Variants in RBFOX1 observed in about 807,000 individuals in gnomAD.
The protein encoded by RBFOX1 is RNA binding fox-1 homolog 1.
RBFOX1 carries 8 observed loss-of-function variants against 57.7 expected under a neutral mutation model. That is an observed-to-expected ratio of 0.14 (90% confidence interval 0.08 to 0.25). The LOEUF (loss-of-function observed/expected upper bound fraction) is 0.25, where lower values mean the gene tolerates loss of function less well. RBFOX1 is among the 10% of genes least tolerant of loss of function. RBFOX1 has a pLI of 1.00. For synonymous variants in RBFOX1, 326 were observed against 222.4 expected (o/e 1.47, Z -4.15); for missense variants, 611 against 548.5 (o/e 1.11, Z -1.14).
At chr16:7,541,097 G>C (rs1205825739) in intron 5 of RBFOX1, among the ~76,000 whole-genome samples, 1 of 152,208 alleles carries the variant, frequency 6.6e-6, no homozygotes, top group Non-Finnish European at 1.5e-5. Context: ...GGCTTGTGCA[G>C]TTTATAGACG....
chr16:5,607,111 G>A (rs770063509), intron 3 of RBFOX1, among the ~76,000 whole-genome samples: 16 of 152,146 alleles, frequency 1.1e-4, no homozygotes, highest in Non-Finnish European at 1.8e-4. Flanking sequence ...GGAGTGGGCT[G>A]GGGAGCAGAG....
chr16:5,709,587 A>G (rs72633294), intron 3 of RBFOX1, among the ~76,000 whole-genome samples: 12,300 of 150,980 alleles, frequency 0.081, 788 homozygotes, highest in East Asian at 0.33. Flanking sequence ...TCCTCCTGAC[A>G]CTTCCTGTTT....
intron 1 of RBFOX1, among the ~76,000 whole-genome samples, chr16:5,444,739 C>A (rs2068190218): frequency 6.6e-6 from 1 of 152,172 alleles, no homozygotes; most frequent in East Asian, 1.9e-4. Context: ...ATGCACAGAG[C>A]ATTTCTGTGT....
chr16:7,414,777 C>T (rs10468332), intron 4 of RBFOX1, among the ~76,000 whole-genome samples: 15,822 of 152,148 alleles, frequency 0.1, 2,640 homozygotes, highest in African/African-American at 0.35. Context: ...GCCACCATGA[C>T]TGGCCAATTT....
intron 3 of RBFOX1, among the ~76,000 whole-genome samples, chr16:6,837,130 G>T (rs538238443): frequency 2.6e-5 from 4 of 152,360 alleles, no homozygotes; most frequent in Non-Finnish European, 4.4e-5. Flanking sequence ...TTTGCAAACA[G>T]TACAGTTTTA....
chr16:6,977,655 C>T (rs1047959085), intron 3 of RBFOX1, among the ~76,000 whole-genome samples: 1 of 152,146 alleles, frequency 6.6e-6, no homozygotes, highest in Non-Finnish European at 1.5e-5. Flanking sequence ...CTCTTTAGCT[C>T]TGGCACTAAC....
chr16:5,520,305 A>G (rs2043963785), intron 2 of RBFOX1, among the ~76,000 whole-genome samples: 1 of 152,200 alleles, frequency 6.6e-6, no homozygotes, highest in South Asian at 2.1e-4. Flanking sequence ...GGTAGTAGGA[A>G]TCTCAGCTTG....
intron 1 of RBFOX1, among the ~76,000 whole-genome samples, chr16:5,456,114 A>T (rs12935385): frequency 0.38 from 56,680 of 149,624 alleles, 11,866 homozygotes; most frequent in East Asian, 0.51. Context: ...TCATTTTTTT[A>T]AAAAAAAAAC....
intron 1 of RBFOX1, among the ~76,000 whole-genome samples, chr16:6,154,452 A>T (rs2096824702): frequency 6.6e-6 from 1 of 152,254 alleles, no homozygotes; most frequent in Non-Finnish European, 1.5e-5. Context: ...TTGCATCTGA[A>T]TAAGCCAGGT....
intron 3 of RBFOX1, among the ~76,000 whole-genome samples, chr16:7,004,497 TA>T: frequency 6.6e-6 from 1 of 152,150 alleles, no homozygotes; most frequent in Non-Finnish European, 1.5e-5. Flanking sequence ...GGAGGATCAG[TA>T]AGTTGGTATG....
chr16:7,224,910 G>A (rs935383978), intron 4 of RBFOX1, among the ~76,000 whole-genome samples: 2 of 152,172 alleles, frequency 1.3e-5, no homozygotes, highest in Non-Finnish European at 2.9e-5. Flanking sequence ...CTTTGAGTTA[G>A]AGAAGCACTG....
intron 2 of RBFOX1, among the ~76,000 whole-genome samples, chr16:6,397,754 AT>A (rs1159740144): frequency 1.3e-5 from 2 of 152,214 alleles, no homozygotes; most frequent in African/African-American, 4.8e-5. Flanking sequence ...AAGCAAAACT[AT>A]ACTGTTGAAA....
At chr16:6,741,485 G>A (rs927386467) in intron 3 of RBFOX1, among the ~76,000 whole-genome samples, 29 of 151,954 alleles carry the variant, frequency 1.9e-4, no homozygotes, top group Non-Finnish European at 3.4e-4. Flanking sequence ...CTAACATGGC[G>A]AAACCCTGTC....
chr16:6,049,236 G>A (rs1394756361), intron 1 of RBFOX1, among the ~76,000 whole-genome samples: 2 of 151,598 alleles, frequency 1.3e-5, no homozygotes, highest in East Asian at 1.9e-4. Flanking sequence ...GCTAATTTTT[G>A]TATTTTTAGT....
At chr16:5,312,132 A>G (rs879925753) in intron 1 of RBFOX1, among the ~76,000 whole-genome samples, 1 of 152,186 alleles carries the variant, frequency 6.6e-6, no homozygotes, top group Non-Finnish European at 1.5e-5. Context: ...ATAGCCAGGT[A>G]GACTTTACTA....
chr16:7,467,058 C>G (rs992375456), intron 4 of RBFOX1, among the ~76,000 whole-genome samples: 2 of 152,164 alleles, frequency 1.3e-5, no homozygotes, highest in African/African-American at 4.8e-5. Context: ...GAATATTTAG[C>G]AAACACTGCA....
intron 1 of RBFOX1, among the ~76,000 whole-genome samples, chr16:6,257,774 A>G (rs945537801): frequency 2.0e-5 from 3 of 152,156 alleles, no homozygotes; most frequent in Non-Finnish European, 4.4e-5. Flanking sequence ...TTATGGCTGC[A>G]TAGTATTCCA....
chr16:6,960,272 C>G (rs2082682289), intron 3 of RBFOX1, among the ~76,000 whole-genome samples: 1 of 152,162 alleles, frequency 6.6e-6, no homozygotes, highest in Non-Finnish European at 1.5e-5. Context: ...GGAAGGTCTT[C>G]AGGCCTCAGA....
intron 2 of RBFOX1, among the ~76,000 whole-genome samples, chr16:6,467,134 A>G (rs1478870827): frequency 1.3e-5 from 2 of 151,062 alleles, no homozygotes; most frequent in African/African-American, 4.8e-5. Flanking sequence ...AGTTAGTGTA[A>G]TATAATAAAG....
Sources: allele counts gnomAD v4.1 joint callset (sites outside exome capture counted in the v4.1 genomes callset), GRCh38; gene constraint gnomAD v4.1.1; transcripts MANE v1.5; gene names NCBI Gene and HGNC (gene_info 2026-07-23, HGNC 2026-07-21).